The following CNTN5 variants were observed in gnomAD, a reference collection of about 807,000 sequenced individuals.
CNTN5 encodes the protein contactin-5.
CNTN5 carries 77 observed loss-of-function variants against 129.1 expected under a neutral mutation model. The ratio of observed to expected loss-of-function variants is 0.60; its 90% confidence interval spans 0.50 to 0.72. CNTN5 has a LOEUF of 0.72. Ranked by LOEUF, CNTN5 falls within the 30% of genes least tolerant of loss-of-function variation. The probability of loss-of-function intolerance (pLI) is 0.00; values close to 1 mark genes in which losing one functional copy is unlikely to be tolerated. For synonymous variants in CNTN5, 509 were observed against 465.6 expected (o/e 1.09, Z -1.20); for missense variants, 1,478 against 1,328.8 (o/e 1.11, Z -1.75).
At chr11:99,658,507 T>C (rs1952465414) in intron 3 of CNTN5, among the ~76,000 whole-genome samples, 1 of 151,964 alleles carries the variant, frequency 6.6e-6, no homozygotes, top group Admixed American at 6.6e-5. Context: ...ATATAGTAAA[T>C]ATTTACTCTT....
chr11:99,785,184 A>C (rs1434345368), intron 3 of CNTN5, among the ~76,000 whole-genome samples: 2 of 151,964 alleles, frequency 1.3e-5, no homozygotes, highest in Non-Finnish European at 2.9e-5. Context: ...TCATATGTTT[A>C]TTGGCCACAT....
intron 9 of CNTN5, among the ~76,000 whole-genome samples, chr11:100,017,476 G>T (rs1249528741): frequency 6.6e-6 from 1 of 151,980 alleles, no homozygotes; most frequent in African/African-American, 2.4e-5. Context: ...AAGTAGTGGT[G>T]TGTCTTACAG....
intron 10 of CNTN5, among the ~76,000 whole-genome samples, chr11:100,062,623 T>C (rs530411164): frequency 6.6e-6 from 1 of 152,318 alleles, no homozygotes; most frequent in Admixed American, 6.5e-5. Flanking sequence ...ACTGTGGGAA[T>C]GCAGAGTCTA....
intron 1 of CNTN5, among the ~76,000 whole-genome samples, chr11:99,266,385 G>T (rs1378483588): frequency 6.6e-6 from 1 of 152,100 alleles, no homozygotes; most frequent in Admixed American, 6.6e-5. Flanking sequence ...GATCGCTTGA[G>T]GCCAAGAATT....
chr11:99,655,984 GTA>G (rs1184603407), intron 3 of CNTN5, among the ~76,000 whole-genome samples: 1 of 151,860 alleles, frequency 6.6e-6, no homozygotes, highest in Non-Finnish European at 1.5e-5. Flanking sequence ...ATGCATGTGT[GTA>G]TATATATGTG....
chr11:100,220,170 G>A (rs532789505), intron 15 of CNTN5, among the ~76,000 whole-genome samples: 4 of 152,044 alleles, frequency 2.6e-5, no homozygotes, highest in South Asian at 2.1e-4. Flanking sequence ...CCAGCTACTC[G>A]GGAGGCTAAG....
chr11:99,980,332 T>C (rs1051476103), intron 8 of CNTN5, among the ~76,000 whole-genome samples: 4 of 152,238 alleles, frequency 2.6e-5, no homozygotes, highest in Admixed American at 6.5e-5. Flanking sequence ...ACCTTGATGT[T>C]ACTAAACTTA....
At chr11:99,300,405 G>T (rs1232504318) in intron 1 of CNTN5, among the ~76,000 whole-genome samples, 13 of 151,842 alleles carry the variant, frequency 8.6e-5, no homozygotes. Context: ...TTCTGTTCAT[G>T]TGGTGAATTA....
At chr11:99,634,434 G>A (rs1426141213) in intron 3 of CNTN5, among the ~76,000 whole-genome samples, 5 of 152,062 alleles carry the variant, frequency 3.3e-5, no homozygotes, top group South Asian at 4.1e-4. Context: ...GCAAAATTTC[G>A]GGGGAAAGGT....
intron 6 of CNTN5, among the ~76,000 whole-genome samples, chr11:99,887,344 G>C (rs978919975): frequency 2.6e-5 from 4 of 152,112 alleles, no homozygotes; most frequent in African/African-American, 9.7e-5. Flanking sequence ...AGATTTATAA[G>C]TCCTTTAAAA....
At chr11:99,821,253 G>A (rs1946792152) in intron 4 of CNTN5, among the ~76,000 whole-genome samples, 1 of 152,092 alleles carries the variant, frequency 6.6e-6, no homozygotes, top group African/African-American at 2.4e-5. Flanking sequence ...AGTTAAGGTA[G>A]TCACAATGGT....
chr11:99,661,088 T>G (rs1301514211), intron 3 of CNTN5, among the ~76,000 whole-genome samples: 2 of 152,146 alleles, frequency 1.3e-5, no homozygotes, highest in African/African-American at 4.8e-5. Context: ...TCTAAACCAT[T>G]TAAGTGTCTT....
chr11:100,349,335 A>G (rs1463744437), intron 23 of CNTN5, among the ~76,000 whole-genome samples: 3 of 151,950 alleles, frequency 2.0e-5, no homozygotes, highest in African/African-American at 4.8e-5. Flanking sequence ...TAATTTCCCA[A>G]GTCAGTTCAT....
At position 99,762,421 on chromosome 11, in the gene CNTN5, C is replaced by A. The variant is rs1470677245; in HGVS notation, c.56-57123C>A. 3.3e-5 allele frequency among the ~76,000 whole-genome samples: 5 copies of A among 151,978 alleles called. No individual in the cohort carries two copies. In the East Asian group the frequency reaches 7.7e-4, roughly 24 times the overall value. The stretch of plus-strand genomic sequence containing the variant: ...TAGGTCTAACGTTTAAGTCTTTAAT[C>A]CATCTTGAATTGATTTTTGTATAAG... On this transcript the variant is annotated intron_variant, in intron 3 of 24. Transcript: ENST00000524871.
chr11:99,437,045 T>C (rs1266090705), intron 2 of CNTN5, among the ~76,000 whole-genome samples: 1 of 152,214 alleles, frequency 6.6e-6, no homozygotes, highest in East Asian at 1.9e-4. Context: ...CTCAGCCTAA[T>C]AGGCATCTCA....
intron 13 of CNTN5, among the ~76,000 whole-genome samples, chr11:100,140,978 A>ATAAT (rs1946682019): frequency 1.3e-5 from 2 of 152,190 alleles, no homozygotes; most frequent in Non-Finnish European, 1.5e-5. Flanking sequence ...AGCGTTGTAC[A>ATAAT]GAAATAATGT....
At chr11:99,077,628 C>G (rs1345832077) in intron 1 of CNTN5, among the ~76,000 whole-genome samples, 1 of 152,144 alleles carries the variant, frequency 6.6e-6, no homozygotes, top group Non-Finnish European at 1.5e-5. Context: ...GTGTCCCCAT[C>G]CGAATCTCAT....
chr11:100,185,987 G>A (rs750741962), intron 13 of CNTN5, among the ~76,000 whole-genome samples: 5 of 152,104 alleles, frequency 3.3e-5, no homozygotes, highest in Non-Finnish European at 5.9e-5. Flanking sequence ...GTAAACAGAC[G>A]GTACTTCCAG....
chr11:99,837,948 T>G (rs2135655362), intron 4 of CNTN5, among the ~76,000 whole-genome samples: 1 of 152,196 alleles, frequency 6.6e-6, no homozygotes, highest in African/African-American at 2.4e-5. Flanking sequence ...TAGGGTATCC[T>G]TAGTAGAAAC....
Sources: allele counts gnomAD v4.1 joint callset (sites outside exome capture counted in the v4.1 genomes callset), GRCh38; gene constraint gnomAD v4.1.1; transcripts MANE v1.5; gene names NCBI Gene and HGNC (gene_info 2026-07-23, HGNC 2026-07-21).